The following SNTG1 variants were observed in gnomAD, a reference collection of about 807,000 sequenced individuals.
The protein encoded by SNTG1 is syntrophin gamma 1.
Under a neutral mutation model 74.7 loss-of-function variants are expected in SNTG1, and 39 were observed. The observed-to-expected ratio is 0.52, with a 90% CI of 0.40 to 0.68. The LOEUF (loss-of-function observed/expected upper bound fraction) is 0.68. SNTG1 is among the 30% of genes least tolerant of loss of function. SNTG1 has a pLI of 0.00. For missense variants in SNTG1, 685 were observed against 609.5 expected (o/e 1.12, Z -1.30); for synonymous variants, 254 against 217.1 (o/e 1.17, Z -1.49).
At chr8:50,620,122 A>G (rs1316774796) in intron 13 of SNTG1, among the ~76,000 whole-genome samples, 1 of 152,050 alleles carries the variant, frequency 6.6e-6, no homozygotes, top group Non-Finnish European at 1.5e-5. Context: ...CTAGCTTCCT[A>G]TGACTGGCAT....
At chr8:50,162,190 A>G (rs1287430372) in intron 1 of SNTG1, among the ~76,000 whole-genome samples, 3 of 152,126 alleles carry the variant, frequency 2.0e-5, no homozygotes, top group Non-Finnish European at 2.9e-5. Flanking sequence ...TCTGTGAATA[A>G]CCTGAGAGCA....
intron 2 of SNTG1, among the ~76,000 whole-genome samples, chr8:50,229,078 C>G (rs1038316170): frequency 2.0e-5 from 3 of 151,308 alleles, no homozygotes; most frequent in African/African-American, 7.3e-5. Flanking sequence ...GGATTTAGAT[C>G]AGCTAAAATG....
intron 5 of SNTG1, among the ~76,000 whole-genome samples, chr8:50,446,429 A>G (rs2093408701): frequency 6.6e-6 from 1 of 150,860 alleles, no homozygotes; most frequent in African/African-American, 2.4e-5. Context: ...TAATCCCAGC[A>G]TTTTGGGAGG....
intron 13 of SNTG1, among the ~76,000 whole-genome samples, chr8:50,640,267 C>G (rs572989027): frequency 2.0e-5 from 3 of 152,192 alleles, no homozygotes; most frequent in African/African-American, 7.2e-5. Flanking sequence ...TTCTTCCCTC[C>G]CCACTGTCCT....
chr8:50,264,427 G>C (rs535966385), intron 2 of SNTG1, among the ~76,000 whole-genome samples: 1 of 151,872 alleles, frequency 6.6e-6, no homozygotes, highest in South Asian at 2.1e-4. Flanking sequence ...AAAATTAATT[G>C]CATGTGGTGG....
chr8:50,221,239 T>C (rs2085047760), intron 2 of SNTG1, among the ~76,000 whole-genome samples: 1 of 152,046 alleles, frequency 6.6e-6, no homozygotes, highest in Admixed American at 6.6e-5. Flanking sequence ...AAAATTTGTA[T>C]GACAGAGAGA....
At chr8:49,998,006 G>T (rs778646167) in intron 1 of SNTG1, among the ~76,000 whole-genome samples, 1 of 152,116 alleles carries the variant, frequency 6.6e-6, no homozygotes, top group Non-Finnish European at 1.5e-5. Flanking sequence ...AAATTGAGAT[G>T]GTAGAGCCTA....
intron 2 of SNTG1, among the ~76,000 whole-genome samples, chr8:50,199,547 G>A (rs575744540): frequency 6.6e-6 from 1 of 152,216 alleles, no homozygotes; most frequent in Non-Finnish European, 1.5e-5. Flanking sequence ...TCATAGTAAA[G>A]CAAATCAACC....
At chr8:49,969,307 G>T (rs894582456) in intron 1 of SNTG1, among the ~76,000 whole-genome samples, 1 of 151,340 alleles carries the variant, frequency 6.6e-6, no homozygotes, top group African/African-American at 2.4e-5. Context: ...TTCACCACAG[G>T]ATGCCATAAA....
At chr8:50,613,576 TATC>T (rs1327210114) in intron 13 of SNTG1, among the ~76,000 whole-genome samples, 6 of 152,180 alleles carry the variant, frequency 3.9e-5, no homozygotes, top group East Asian at 1.9e-4. Flanking sequence ...GAAGCACAGA[TATC>T]ATCATTTACA....
At chr8:50,566,062 G>A (rs981448264) in intron 12 of SNTG1, among the ~76,000 whole-genome samples, 6 of 151,758 alleles carry the variant, frequency 4.0e-5, no homozygotes, top group Admixed American at 3.9e-4. Context: ...TTAAGGATAG[G>A]TCTTTAATTT....
chr8:50,630,698 G>A lies in SNTG1; in HGVS notation c.850-26211G>A, dbSNP rs182569728. On this transcript the variant is annotated intron_variant, in intron 13 of 18. Transcript: ENST00000642720. ...CCTAGACCTGCAGGTAATGTGATGA[G>A]AACTGATGGAATTTTTTTACTTGAG... Among the ~76,000 whole-genome samples the A allele has an allele frequency of 1.4e-3, 212 of 152,284 alleles. 1 individual carries two copies. Among genetic ancestry groups the A allele is most frequent in the Middle Eastern group, 6.8e-3 (2 of 294 alleles).
chr8:50,661,392 T>C (rs1585996156), intron 15 of SNTG1, among the ~76,000 whole-genome samples: 2 of 152,296 alleles, frequency 1.3e-5, no homozygotes, highest in South Asian at 4.1e-4. Flanking sequence ...GTGTACAAAT[T>C]GCCTCCTACA....
intron 1 of SNTG1, among the ~76,000 whole-genome samples, chr8:49,938,587 C>T (rs1287387006): frequency 1.4e-4 from 6 of 42,054 alleles, no homozygotes; most frequent in African/African-American, 4.9e-4. Context: ...CTTTTCTTTT[C>T]TTTTCTTTTC....
chr8:50,370,438 A>C (rs2092241174), intron 2 of SNTG1, among the ~76,000 whole-genome samples: 1 of 152,138 alleles, frequency 6.6e-6, no homozygotes. Context: ...GAGTATGGGC[A>C]CAATGAGCCA....
At chr8:50,031,853 C>T (rs953370327) in intron 1 of SNTG1, among the ~76,000 whole-genome samples, 2 of 152,046 alleles carry the variant, frequency 1.3e-5, no homozygotes, top group South Asian at 2.1e-4. Context: ...GGAAGTGTTG[C>T]TGCCTCCATT....
chr8:50,735,489 T>C (rs926683986), intron 17 of SNTG1, among the ~76,000 whole-genome samples: 1 of 151,636 alleles, frequency 6.6e-6, no homozygotes, highest in African/African-American at 2.4e-5. Context: ...CAAGTATCAA[T>C]AGTCAAATCG....
At chr8:50,114,730 A>T (rs534668318) in intron 1 of SNTG1, among the ~76,000 whole-genome samples, 111 of 151,990 alleles carry the variant, frequency 7.3e-4, no homozygotes, top group African/African-American at 2.6e-3. Flanking sequence ...CTGGGCGTAG[A>T]TGTGCACGCC....
chr8:50,575,098 G>C (rs536092050), intron 12 of SNTG1, among the ~76,000 whole-genome samples: 1 of 152,294 alleles, frequency 6.6e-6, no homozygotes, highest in South Asian at 2.1e-4. Context: ...TAGGTACTGA[G>C]TGTGGTGGTG....
Sources: gnomAD v4.1 joint callset for allele counts (sites outside exome capture counted in the v4.1 genomes callset) on GRCh38, gnomAD v4.1.1 for gene constraint, MANE v1.5 for transcripts, NCBI Gene and HGNC (gene_info 2026-07-23, HGNC 2026-07-21) for gene names.